CSMD2: variants seen among roughly 807,000 people sequenced by gnomAD.
CSMD2 encodes CUB and sushi domain-containing protein 2.
Under a neutral mutation model 398.5 loss-of-function variants are expected in CSMD2, and 130 were observed. That is an observed-to-expected ratio of 0.33 (90% CI 0.28 to 0.38). CSMD2 has a LOEUF of 0.38. Ranked by LOEUF, CSMD2 falls within the 10% of genes least tolerant of loss-of-function variation. The pLI is 1.00. For missense variants in CSMD2, 3,829 were observed against 4,764.9 expected (o/e 0.80, Z 5.78); for synonymous variants, 1,828 against 1,908.5 (o/e 0.96, Z 1.10).
rs749505549 is a variant in CSMD2 at position 33,533,806 on chromosome 1, A to T, written c.9981T>A (p.Pro3327=). 1 of 1,610,668 alleles carries T rather than the reference A, an allele frequency of 6.2e-7. No homozygotes were observed. Among genetic ancestry groups the T allele is most frequent in the East Asian group, 2.2e-5 (1 of 44,852 alleles). ...LPNLTWSGTP[P]DCVPHHCRQP... ...GAAGTCTGCACTCACGGACACAGTC[A>T]GGTGGGGTTCCACTCCAGGTCAGGT... The change falls in exon 63 of 71, where the codon CCT becomes CCA. Residue 3327 remains proline, a synonymous_variant. Coordinates refer to ENST00000373381, the MANE Select transcript of CSMD2 (RefSeq NM_001281956.2). This position sits in a 1 kb window ranked among gnomAD's most constrained non-coding sequence, Gnocchi z 4.2.
chr1:34,027,434 G>A (rs1357572933), intron 3 of CSMD2, among the ~76,000 whole-genome samples: 4 of 152,192 alleles, frequency 2.6e-5, no homozygotes, highest in African/African-American at 4.8e-5. Context: ...GTGTGCGTTC[G>A]TATAACCTTT....
intron 1 of CSMD2, among the ~76,000 whole-genome samples, chr1:34,143,201 C>A (rs1048950257): frequency 6.6e-6 from 1 of 152,068 alleles, no homozygotes; most frequent in Admixed American, 6.6e-5. Context: ...GCAACGTGTT[C>A]AACATAATCA....
chr1:33,567,560 C>G, intron 53 of CSMD2, 33 bp downstream of exon 53: 1 of 1,609,686 alleles, frequency 6.2e-7, no homozygotes, highest in Middle Eastern at 1.7e-4. Flanking sequence ...GAATCTGAGC[C>G]CCATGACTAG....
In CSMD2 at chr1:33,689,522, C is replaced by G. The variant is rs578154834; in HGVS notation, c.4052+3408G>C. ...TTCCTGAGGGCTAGAAAGGCGCCTC[C>G]TGTCTCCCCTCCACCCCCATAGCCA... On this transcript the variant is annotated intron_variant, in intron 25 of 70. Transcript: ENST00000373381. Among the ~76,000 whole-genome samples, 3 of 152,252 alleles carry G rather than the reference C, an allele frequency of 2.0e-5. No homozygotes were observed. The East Asian group carries it at 5.8e-4, about 29-fold the overall frequency.
At chr1:33,975,681 G>A (rs888313522) in intron 3 of CSMD2, among the ~76,000 whole-genome samples, 5 of 152,142 alleles carry the variant, frequency 3.3e-5, no homozygotes, top group African/African-American at 9.6e-5. Context: ...GGGGAGGGGA[G>A]GGCCTCCCCT....
chr1:34,109,897 C>T (rs994542326), intron 1 of CSMD2, among the ~76,000 whole-genome samples: 4 of 151,630 alleles, frequency 2.6e-5, no homozygotes, highest in South Asian at 4.2e-4. Flanking sequence ...AAAAATTAGC[C>T]GGGCGTGGTG....
intron 68 of CSMD2, 141 bp downstream of exon 68, chr1:33,521,322 G>A: frequency 1.5e-6 from 1 of 659,144 alleles, no homozygotes. Flanking sequence ...AGAATCTCAA[G>A]AGGCATCCCT....
intron 5 of CSMD2, among the ~76,000 whole-genome samples, chr1:33,852,067 C>A (rs1638748376): frequency 6.6e-6 from 1 of 152,176 alleles, no homozygotes; most frequent in African/African-American, 2.4e-5. Context: ...AAAGCTTTCC[C>A]CCAGTCGTTT....
At chr1:33,700,196 A>G (rs1298022312) in intron 23 of CSMD2, among the ~76,000 whole-genome samples, 3 of 152,204 alleles carry the variant, frequency 2.0e-5, no homozygotes, top group Non-Finnish European at 4.4e-5. Context: ...TTTAGTAGAG[A>G]TGGGGTTTCA....
At chr1:33,747,014 T>G (rs1404540305) in intron 13 of CSMD2, among the ~76,000 whole-genome samples, 4 of 152,180 alleles carry the variant, frequency 2.6e-5, no homozygotes, top group African/African-American at 9.7e-5. Flanking sequence ...GAAAAGGGTA[T>G]GAATGAGCCA....
At chr1:33,629,450 GA>G (rs1259552983) in intron 32 of CSMD2, among the ~76,000 whole-genome samples, 1 of 152,174 alleles carries the variant, frequency 6.6e-6, no homozygotes, top group Non-Finnish European at 1.5e-5. Flanking sequence ...TGGAGAAAAT[GA>G]GAGAAGATAT....
At chr1:33,949,234 A>T (rs1171124822) in intron 3 of CSMD2, among the ~76,000 whole-genome samples, 1 of 152,168 alleles carries the variant, frequency 6.6e-6, no homozygotes, top group Non-Finnish European at 1.5e-5. Context: ...AGTGCTCAAT[A>T]AGTTTAGGAT....
intron 15 of CSMD2, among the ~76,000 whole-genome samples, chr1:33,733,242 C>T (rs1425581958): frequency 1.3e-5 from 2 of 152,174 alleles, no homozygotes; most frequent in East Asian, 3.8e-4. Context: ...AGTGTTGCCT[C>T]CTACTCTCTA....
chr1:33,876,373 G>A (rs1640841586), intron 5 of CSMD2, among the ~76,000 whole-genome samples: 1 of 152,312 alleles, frequency 6.6e-6, no homozygotes, highest in East Asian at 1.9e-4. Context: ...TGGGCAATTT[G>A]TCGAACATGA....
intron 44 of CSMD2, chr1:33,592,059 C>G: frequency 3.1e-6 from 1 of 325,064 alleles, no homozygotes; most frequent in Non-Finnish European, 5.9e-6. Flanking sequence ...CCTTGGGAAC[C>G]TTTGGATGTA....
At chr1:34,085,172 T>G (rs995572823) in intron 2 of CSMD2, among the ~76,000 whole-genome samples, 5 of 151,806 alleles carry the variant, frequency 3.3e-5, no homozygotes, top group African/African-American at 1.2e-4. Context: ...TAGGTGGGAA[T>G]TGAACAATGA....
chr1:33,611,350 G>T, intron 40 of CSMD2, 100 bp from the exon 41 acceptor site: 1 of 1,014,250 alleles, frequency 9.9e-7, no homozygotes. Context: ...ATGAGTCCCT[G>T]CTACTGATTT....
chr1:33,660,324 C>T (rs1644091024), intron 26 of CSMD2, among the ~76,000 whole-genome samples: 1 of 152,126 alleles, frequency 6.6e-6, no homozygotes, highest in Non-Finnish European at 1.5e-5. Context: ...GCTTCCCGCT[C>T]ACCTTTTTTT....
chr1:34,048,092 G>C (rs773977397), intron 2 of CSMD2, among the ~76,000 whole-genome samples: 1 of 152,216 alleles, frequency 6.6e-6, no homozygotes, highest in African/African-American at 2.4e-5. Context: ...CAGGAGGTTG[G>C]CAAGGATGGA....
Sources: allele counts gnomAD v4.1 joint callset (sites outside exome capture counted in the v4.1 genomes callset), GRCh38; gene constraint gnomAD v4.1.1; non-coding constraint Gnocchi (gnomAD v3.1); transcripts MANE v1.5; gene names NCBI Gene and HGNC (gene_info 2026-07-23, HGNC 2026-07-21).